Variants in CDC25B observed in about 807,000 individuals in gnomAD.
The protein encoded by CDC25B is cell division cycle 25B.
In CDC25B, 33 loss-of-function variants were observed where a neutral mutation model predicts 69.8. The observed-to-expected ratio is 0.47, with a 90% CI of 0.36 to 0.63. The LOEUF is 0.63. CDC25B is among the 30% of genes least tolerant of loss of function. CDC25B has a pLI of 0.00. For missense variants in CDC25B, 727 were observed against 809.1 expected, an observed-to-expected ratio of 0.90 and a Z score of 1.23; for synonymous variants, 341 against 314.6, an observed-to-expected ratio of 1.08 and a Z score of -0.89.
chr20:3,802,215 C>A, intron 10 of CDC25B, 66 bp from the exon 11 acceptor site: 1 of 1,560,926 alleles, frequency 6.4e-7, no homozygotes, highest in Non-Finnish European at 8.8e-7. Context: ...AAGGGGGTAC[C>A]AGCCAGCCAG....
chr20:3,800,609 G>A (rs932976178), intron 5 of CDC25B, 111 bp downstream of exon 5: 1 of 1,580,702 alleles, frequency 6.3e-7, no homozygotes, highest in Non-Finnish European at 8.7e-7. Flanking sequence ...CAGGCAGGCT[G>A]TAGGAGATGG....
At chr20:3,797,328 C>T (rs1194829122) in intron 1 of CDC25B, among the ~76,000 whole-genome samples, 1 of 152,178 alleles carries the variant, frequency 6.6e-6, no homozygotes, top group African/African-American at 2.4e-5. Context: ...CTCTGCTAGA[C>T]CACCAACCCT....
At position 3,796,331 on chromosome 20, in the gene CDC25B, C is replaced by A; in HGVS notation, c.-201C>A. On this transcript the variant is annotated 5_prime_UTR_variant, in exon 1 of 16. The change creates a new upstream start codon in the 5' untranslated region. Transcript: ENST00000245960. ...AACTAGAGGCTTCCCTGGCTGGTGC[C>A]TGAGCCCGGCGTCCCTCGCCCCCCG... is the stretch of plus-strand genomic sequence containing the variant. The A allele has an allele frequency of 7.5e-7, 1 of 1,326,456 alleles. No homozygotes were observed. The highest frequency in any genetic ancestry group is 9.6e-7 in the Non-Finnish European group (1 of 1,042,536). The allele number at this position is 1,326,456 out of a possible 1,614,324, so 82.2% of individuals were successfully genotyped here.
At chr20:3,787,738 G>C (rs2088848734) in intron 1 of CDC25B, among the ~76,000 whole-genome samples, 1 of 152,146 alleles carries the variant, frequency 6.6e-6, no homozygotes, top group South Asian at 2.1e-4. Context: ...CTGTGACCCA[G>C]GGGGACAGGC....
At chr20:3,802,412 T>G (rs1264096860) in intron 11 of CDC25B, 36 bp downstream of exon 11, 1 of 1,478,180 alleles carries the variant, frequency 6.8e-7, no homozygotes. Flanking sequence ...CTTGGGGGCT[T>G]GACCTCTTAC....
In CDC25B at chr20:3,805,826, C is replaced by G. The variant is rs1392166348; in HGVS notation, c.*865C>G. 2.5e-6 allele frequency: 1 copy of G among 405,700 alleles called. No individual in the cohort carries two copies. Among genetic ancestry groups the G allele is most frequent in the African/African-American group, 2.1e-5 (1 of 48,750 alleles). 25.1% of individuals were successfully genotyped at this position (405,700 alleles called of 1,614,324 possible). On this transcript the variant is annotated 3_prime_UTR_variant, in exon 16 of 16. Transcript: ENST00000245960. Reference sequence around the variant, plus strand: ...AAGGTTGGATGGATGGGTGGATGGCCGTGGATGGCCGTGGATGCGCAGTGC... The same window carrying G: ...AAGGTTGGATGGATGGGTGGATGGCGGTGGATGGCCGTGGATGCGCAGTGC...
chr20:3,793,769 T>G (rs1229425964), upstream of CDC25B, among the ~76,000 whole-genome samples: 1 of 108,574 alleles, frequency 9.2e-6, no homozygotes, highest in African/African-American at 3.7e-5. Context: ...CCCACAACAG[T>G]CCCCAGAGTG....
rs761619263 is a variant in CDC25B at position 3,802,966 on chromosome 20, A to G, written c.1251A>G (p.Pro417=). ...GKHQDLKYIS[P]ETMVALLTGK... ...ACCAAGACCTCAAGTACATCTCACCAGAAACGGTAAACAGCGTTGCGTCAT... is the reference window on the plus strand; with the variant it reads ...ACCAAGACCTCAAGTACATCTCACCGGAAACGGTAAACAGCGTTGCGTCAT... The change falls in exon 12 of 16, where the codon CCA becomes CCG. Residue 417 remains proline (P), a synonymous_variant. Coordinates refer to ENST00000245960, the MANE Select transcript of CDC25B (RefSeq NM_021873.4). The G allele has an allele frequency of 6.2e-6, 10 of 1,613,900 alleles. No individual in the cohort carries two copies. Among genetic ancestry groups the G allele is most frequent in the Non-Finnish European group, 8.5e-6 (10 of 1,179,760 alleles).
At chr20:3,795,202 A>G (rs189049086), upstream of CDC25B, among the ~76,000 whole-genome samples, 65 of 152,242 alleles carry the variant, frequency 4.3e-4, no homozygotes, top group African/African-American at 1.5e-3. Context: ...CTCTACTAAA[A>G]ATACAAACAT....
intron 14 of CDC25B, 61 bp from the exon 15 acceptor site, chr20:3,804,508 C>A: frequency 9.5e-7 from 1 of 1,056,462 alleles, no homozygotes; most frequent in Non-Finnish European, 1.5e-6. Context: ...GGGGATAGGT[C>A]CCATGATGTA....
At chr20:3,798,548 G>T in intron 3 of CDC25B, 85 bp downstream of exon 3, 1 of 1,120,974 alleles carries the variant, frequency 8.9e-7, no homozygotes, top group South Asian at 1.5e-5. Flanking sequence ...CACCCGGGAG[G>T]CCTGGGAAAG....
At chr20:3,794,320 G>A (rs1241830722), upstream of CDC25B, among the ~76,000 whole-genome samples, 1 of 151,544 alleles carries the variant, frequency 6.6e-6, no homozygotes, top group Non-Finnish European at 1.5e-5. Flanking sequence ...ATCTCATTGT[G>A]GTTTTGATTT....
Position 3,804,679 on chromosome 20 carries a change from C to A in CDC25B, c.1601C>A (p.Pro534Gln), listed in dbSNP as rs760533388. The change falls in exon 15 of 16, where the codon CCG (proline) becomes CAG (glutamine). Residue 534 changes from proline (P) to glutamine (Q), a missense_variant and splice_region_variant. Transcript: ENST00000245960. ...GGYKEFFPQH[P>Q]NFCEPQDYRP... ...TACAAGGAGTTCTTCCCTCAGCACC[C>A]GGTAGCGTGGGTGGGGAAGGCCACA... The A allele has an allele frequency of 1.0e-5, 15 of 1,442,288 alleles. No individual in the cohort carries two copies. Among genetic ancestry groups the A allele is most frequent in the Non-Finnish European group, 1.3e-5 (14 of 1,076,044 alleles). The allele number at this position is 1,442,288 out of a possible 1,614,324, so 89.3% of individuals were successfully genotyped here.
In CDC25B at chr20:3,802,292, C is replaced by A. The variant is rs11570010; in HGVS notation, c.1110C>A (p.Val370=). 6.2e-7 allele frequency: 1 copy of A among 1,611,068 alleles called. No individual in the cohort carries two copies. Among genetic ancestry groups the A allele is most frequent in the South Asian group, 1.1e-5 (1 of 91,070 alleles). Residue 370 remains valine (V), a synonymous_variant, in exon 11 of 16, where the codon GTC becomes GTA. Coordinates refer to ENST00000245960, the MANE Select transcript of CDC25B (RefSeq NM_021873.4). ...QQEAEEPKAR[V]LRSKSLCHDE... ...GACTCACTTTCCAGAAAGCCCGCGT[C>A]CTCCGCTCAAAATCACTGTGTCACG...
At chr20:3,801,445 GA>G in intron 8 of CDC25B, 57 bp downstream of exon 8, 1 of 1,536,936 alleles carries the variant, frequency 6.5e-7, no homozygotes, top group South Asian at 1.3e-5. Context: ...TCGCCCAAAA[GA>G]AGAGAGCTCT....
At chr20:3,800,359 C>T (rs1600396831) in intron 4 of CDC25B, 30 bp downstream of exon 4, 2 of 1,613,992 alleles carry the variant, frequency 1.2e-6, no homozygotes, top group East Asian at 4.5e-5. Context: ...TTCCATCTAC[C>T]ACAAGCTTTC....
chr20:3,796,268 A>AT (rs1477263343), upstream of CDC25B: 42 of 1,305,724 alleles, frequency 3.2e-5, no homozygotes, highest in Admixed American at 8.4e-5. Flanking sequence ...GGCTGCTGTT[A>AT]TTTTTCGAAT....
At position 3,800,794 on chromosome 20, in the gene CDC25B, G is replaced by T. The variant is rs1362931742; in HGVS notation, c.511G>T (p.Ala171Ser). 2 of 1,612,542 alleles carry T rather than the reference G, an allele frequency of 1.2e-6. No individual in the cohort carries two copies. Among genetic ancestry groups the T allele is most frequent in the Non-Finnish European group, 1.7e-6 (2 of 1,180,036 alleles). The change falls in exon 6 of 16, where the codon GCG (alanine) becomes TCG (serine). Residue 171 changes from alanine to serine, a missense_variant. Ala to Ser is a moderately conservative substitution (Grantham distance 99). Coordinates refer to ENST00000245960, the MANE Select transcript of CDC25B (RefSeq NM_021873.4). The part of the protein sequence containing the change: ...PVLRNITNSQ[A>S]PDGRRKSEAG... ...GCTTCGGAACATCACCAACTCCCAGGCGCCCGACGGCCGGAGGAAGAGCGA... is the reference window on the plus strand; with the variant it reads ...GCTTCGGAACATCACCAACTCCCAGTCGCCCGACGGCCGGAGGAAGAGCGA...
At position 3,800,354 on chromosome 20, in the gene CDC25B, T is replaced by C. The variant is rs764924525; in HGVS notation, c.422+25T>C. 4 of 1,613,968 alleles carry C rather than the reference T, an allele frequency of 2.5e-6. No homozygotes were observed. In the African/African-American group the frequency reaches 5.3e-5, roughly 22 times the overall value. ...AGTAAGTGTTCCTGGGCCTCTTCCATCTACCACAAGCTTTCCCTTAGGACA... is the reference window on the plus strand; with the variant it reads ...AGTAAGTGTTCCTGGGCCTCTTCCACCTACCACAAGCTTTCCCTTAGGACA... On this transcript the variant is annotated intron_variant, in intron 4 of 15. Transcript: ENST00000245960.
Sources: allele counts gnomAD v4.1 joint callset (sites outside exome capture counted in the v4.1 genomes callset), GRCh38; gene constraint gnomAD v4.1.1; transcripts MANE v1.5; gene names NCBI Gene and HGNC (gene_info 2026-07-23, HGNC 2026-07-21).